Variants in FAM168B observed in about 807,000 individuals in gnomAD.
FAM168B encodes family with sequence similarity 168 member B, also known as myelin-associated neurite-outgrowth inhibitor.
In FAM168B, 19 loss-of-function variants were observed where a neutral mutation model predicts 21.8. That is an observed-to-expected ratio of 0.87 (90% CI 0.61 to 1.28). FAM168B has a LOEUF of 1.28. FAM168B is among the 50% of genes most tolerant of loss of function. The pLI is 0.00. For missense variants in FAM168B, 233 were observed against 263.1 expected (o/e 0.89, Z 0.79); for synonymous variants, 126 against 104.8 (o/e 1.20, Z -1.24).
chr2:131,051,770 C>T lies in FAM168B; in HGVS notation c.*695G>A, dbSNP rs762025128. Reference sequence around the variant, plus strand: ...CTTTCATGATGAGCTTTAAGCATGTCCCTGTTCCACTGACTCCACCAAGCC... The same window carrying T: ...CTTTCATGATGAGCTTTAAGCATGTTCCTGTTCCACTGACTCCACCAAGCC... On this transcript the variant is annotated 3_prime_UTR_variant, in exon 7 of 7. Coordinates refer to ENST00000389915, the MANE Select transcript of FAM168B (RefSeq NM_001009993.4). 6.1e-6 allele frequency: 6 copies of T among 985,436 alleles called. No individual in the cohort carries two copies. Among genetic ancestry groups the T allele is most frequent in the Non-Finnish European group, 7.2e-6 (6 of 829,938 alleles). 61.0% of individuals were successfully genotyped at this position (985,436 alleles called of 1,614,324 possible).
chr2:131,091,363 T>C (rs1694017314), intron 1 of FAM168B, among the ~76,000 whole-genome samples: 1 of 143,894 alleles, frequency 6.9e-6, no homozygotes, highest in Non-Finnish European at 1.5e-5. Flanking sequence ...AAATAAAAAA[T>C]AAAGCATATA....
chr2:131,083,383 A>C (rs1031549092), intron 1 of FAM168B, among the ~76,000 whole-genome samples: 1 of 151,904 alleles, frequency 6.6e-6, no homozygotes, highest in African/African-American at 2.4e-5. Context: ...AACAAAAACA[A>C]ACAAAAATTA....
At chr2:131,090,484 G>A (rs1459138525) in intron 1 of FAM168B, among the ~76,000 whole-genome samples, 1 of 152,094 alleles carries the variant, frequency 6.6e-6, no homozygotes, top group South Asian at 2.1e-4. Context: ...AATTTTAAGA[G>A]GTTTAGATTC....
chr2:131,086,693 G>A (rs541635723), intron 1 of FAM168B, among the ~76,000 whole-genome samples: 2 of 152,316 alleles, frequency 1.3e-5, no homozygotes, highest in South Asian at 4.1e-4. Flanking sequence ...GACAGCCATC[G>A]TATTGGACAG....
At chr2:131,080,732 CG>C (rs1693391059) in intron 2 of FAM168B, among the ~76,000 whole-genome samples, 1 of 151,274 alleles carries the variant, frequency 6.6e-6, no homozygotes, top group Admixed American at 6.6e-5. Flanking sequence ...TGCAGTGGCA[CG>C]ATCTCAGCTC....
In FAM168B at chr2:131,055,397, TG is replaced by T; in HGVS notation, c.349del (p.His117ThrfsTer46). The T allele has an allele frequency of 1.2e-6, 2 of 1,606,978 alleles. No individual in the cohort carries two copies. Among genetic ancestry groups the T allele is most frequent in the Non-Finnish European group, 1.7e-6 (2 of 1,177,696 alleles). On this transcript the variant is annotated frameshift_variant, in exon 5 of 7. Coordinates refer to ENST00000389915, the MANE Select transcript of FAM168B (RefSeq NM_001009993.4). LOFTEE classifies it high-confidence loss of function. The stretch of plus-strand genomic sequence containing the variant: ...GTTGGGCTGCACCACCGTGGTGTGG[TG>T]GATGACGTGAGGAGGTGCTGCATAC... The part of the protein sequence containing the change: ...PLYAAPPHVI[H>X]HTTVVQPNGM...
rs771737221 is a variant in FAM168B, at chr2:131,050,652, TGAAAAA to T, written c.*1807_*1812del. The T allele has an allele frequency of 6.1e-6, 6 of 984,958 alleles. No individual in the cohort carries two copies. Among genetic ancestry groups the T allele is most frequent in the Non-Finnish European group, 7.2e-6 (6 of 829,536 alleles). 61.0% of individuals were successfully genotyped at this position (984,958 alleles called of 1,614,324 possible). ...CCTAAACTTCTTATAAAATAAGATGTGAAAAAGAAAATTATAAGAAGTACTTACTAT... is the reference window on the plus strand; with the variant it reads ...CCTAAACTTCTTATAAAATAAGATGTGAAAATTATAAGAAGTACTTACTAT... On this transcript the variant is annotated 3_prime_UTR_variant, in exon 7 of 7. Coordinates refer to ENST00000389915, the MANE Select transcript of FAM168B (RefSeq NM_001009993.4).
At chr2:131,084,397 A>C (rs957567669) in intron 1 of FAM168B, among the ~76,000 whole-genome samples, 5 of 150,580 alleles carry the variant, frequency 3.3e-5, no homozygotes, top group Non-Finnish European at 7.4e-5. Flanking sequence ...ATGAGGTTCC[A>C]TCATGTTGCC....
intron 3 of FAM168B, among the ~76,000 whole-genome samples, chr2:131,065,824 AAAG>A (rs1161020137): frequency 1.3e-5 from 2 of 151,994 alleles, no homozygotes; most frequent in South Asian, 2.1e-4. Flanking sequence ...AAAAAAAAGA[AAAG>A]AAAGCTCTAC....
intron 3 of FAM168B, among the ~76,000 whole-genome samples, chr2:131,057,287 A>G (rs1356940875): frequency 1.3e-5 from 2 of 152,236 alleles, no homozygotes; most frequent in African/African-American, 4.8e-5. Context: ...CCAAATCTTC[A>G]TCAACTGGAG....
At chr2:131,079,389 C>T (rs1693322467) in intron 2 of FAM168B, among the ~76,000 whole-genome samples, 1 of 152,218 alleles carries the variant, frequency 6.6e-6, no homozygotes, top group Admixed American at 6.5e-5. Flanking sequence ...GCAGGAGAAT[C>T]ACTTGAACTT....
chr2:131,091,648 CAAAAAAA>C (rs560911182), intron 1 of FAM168B, among the ~76,000 whole-genome samples: 1 of 125,268 alleles, frequency 8.0e-6, no homozygotes, highest in Non-Finnish European at 1.7e-5. Context: ...CTCCGTCTCA[CAAAAAAA>C]AAAAAGAAAA....
At chr2:131,052,476 C>T in intron 6 of FAM168B, 24 bp from the exon 7 acceptor site, 1 of 1,001,902 alleles carries the variant, frequency 1.0e-6, no homozygotes, top group Non-Finnish European at 1.2e-6. Context: ...GACAGACACT[C>T]AGTCACACAG....
chr2:131,051,750 A>G lies in FAM168B; in HGVS notation c.*715T>C. The G allele has an allele frequency of 2.0e-6, 2 of 985,446 alleles. No homozygotes were observed. The highest frequency in any genetic ancestry group is 9.4e-5 in the South Asian group (2 of 21,278). The allele number at this position is 985,446 out of a possible 1,614,324, so 61.0% of individuals were successfully genotyped here. On this transcript the variant is annotated 3_prime_UTR_variant, in exon 7 of 7. Coordinates refer to ENST00000389915, the MANE Select transcript of FAM168B (RefSeq NM_001009993.4). ...ACTGGCCACACTACCATAATCTTTC[A>G]TGATGAGCTTTAAGCATGTCCCTGT...
rs141270322 is a variant in FAM168B at position 131,067,723 on chromosome 2, TCACACACA to T, written c.154+4124_154+4131del. ...GCAACAAAGTGAGATCCTATCACAC[TCACACACA>T]CACACACACATACACACCCACCTCC... On this transcript the variant is annotated intron_variant, in intron 3 of 6. Transcript: ENST00000389915. Among the ~76,000 whole-genome samples, 15 of 149,538 alleles carry T rather than the reference TCACACACA, an allele frequency of 1.0e-4. 1 individual carries two copies. The highest frequency in any genetic ancestry group is 6.9e-3 in the Middle Eastern group (2 of 288).
chr2:131,077,688 T>C (rs1693228069), intron 2 of FAM168B, among the ~76,000 whole-genome samples: 1 of 152,334 alleles, frequency 6.6e-6, no homozygotes, highest in Non-Finnish European at 1.5e-5. Flanking sequence ...AGGCCGTGGC[T>C]GGAGGACAGA....
chr2:131,048,647 A>C lies in FAM168B; in HGVS notation c.*3818T>G, dbSNP rs182789331. 1 of 1,037,054 alleles carries C rather than the reference A, an allele frequency of 9.6e-7. No individual in the cohort carries two copies. The highest frequency in any genetic ancestry group is 8.7e-5 in the East Asian group (1 of 11,518). The allele number at this position is 1,037,054 out of a possible 1,614,324, so 64.2% of individuals were successfully genotyped here. On this transcript the variant is annotated 3_prime_UTR_variant, in exon 7 of 7. Coordinates refer to ENST00000389915, the MANE Select transcript of FAM168B (RefSeq NM_001009993.4). ...TGGAGCCCTCAGGACCTACTGATAA[A>C]GCATGTCCTCTGCAGTATACTCAAG...
Position 131,050,905 on chromosome 2 carries a change from C to G in FAM168B, c.*1560G>C, listed in dbSNP as rs542334982. The G allele has an allele frequency of 2.0e-6, 2 of 985,818 alleles. No homozygotes were observed. The highest frequency in any genetic ancestry group is 2.4e-6 in the Non-Finnish European group (2 of 830,252). 61.1% of individuals were successfully genotyped at this position (985,818 alleles called of 1,614,324 possible). On this transcript the variant is annotated 3_prime_UTR_variant, in exon 7 of 7. Transcript: ENST00000389915. ...TGCCCTAGAGGCCGCTGAAAGGGAC[C>G]CAGGCCTTACATCCCCCACCCCCAC...
intron 3 of FAM168B, among the ~76,000 whole-genome samples, chr2:131,060,476 T>C (rs953687025): frequency 6.6e-6 from 1 of 152,212 alleles, no homozygotes; most frequent in Non-Finnish European, 1.5e-5. Flanking sequence ...CTGCTACAGA[T>C]TGAAAGAGAT....
Sources: allele counts gnomAD v4.1 joint callset (sites outside exome capture counted in the v4.1 genomes callset), GRCh38; gene constraint gnomAD v4.1.1; transcripts MANE v1.5; gene names NCBI Gene and HGNC (gene_info 2026-07-23, HGNC 2026-07-21).